Variants in FAT3 observed in about 807,000 individuals in gnomAD.
FAT3 encodes FAT atypical cadherin 3.
A neutral mutation model predicts 310.2 loss-of-function variants in FAT3; 95 were observed. That is an observed-to-expected ratio of 0.31 (90% CI 0.26 to 0.36). FAT3 has a LOEUF of 0.36. Ranked by LOEUF, FAT3 falls within the 10% of genes least tolerant of loss-of-function variation. The pLI, the probability that FAT3 is intolerant of heterozygous loss-of-function variation, is 1.00. For missense variants in FAT3, 5,408 were observed against 5,715.6 expected (o/e 0.95, Z 1.74); for synonymous variants, 2,314 against 2,192.9 (o/e 1.06, Z -1.54).
At chr11:92,562,259 TATACA>T (rs749962301) in intron 3 of FAT3, among the ~76,000 whole-genome samples, 3 of 152,218 alleles carry the variant, frequency 2.0e-5, no homozygotes, top group Non-Finnish European at 4.4e-5. Flanking sequence ...ATTTGTATCA[TATACA>T]ATACTTCCTA....
At chr11:92,366,473 G>T in intron 2 of FAT3, 3 of 424,048 alleles carry the variant, frequency 7.1e-6, no homozygotes, top group Admixed American at 2.7e-5. Context: ...TGCTCCTGGG[G>T]ACAGTAGCTT....
At chr11:92,630,585 G>A (rs963573805) in intron 3 of FAT3, among the ~76,000 whole-genome samples, 5 of 152,196 alleles carry the variant, frequency 3.3e-5, no homozygotes, top group Middle Eastern at 3.4e-3. Flanking sequence ...TTCCCCCAAC[G>A]GAGATCCCAC....
At chr11:92,420,364 G>A (rs1207794864) in intron 2 of FAT3, among the ~76,000 whole-genome samples, 1 of 152,186 alleles carries the variant, frequency 6.6e-6, no homozygotes, top group East Asian at 1.9e-4. Flanking sequence ...CACTTTTATA[G>A]ATTGCTCCAT....
rs1481107772 is a variant in FAT3, at chr11:92,806,446, T to G, written c.9178T>G (p.Ser3060Ala). ...KVSAKDADIGSNGYIRYSLYG... is the reference protein window; with the variant it reads ...KVSAKDADIGANGYIRYSLYG... ...CAGTGCAAAGGATGCTGATATTGGA[T>G]CCAATGGATATATACGATACTCACT... The change falls in exon 12 of 28, where the codon TCC (serine) becomes GCC (alanine). Residue 3060 changes from serine (S) to alanine (A), a missense_variant. Coordinates refer to ENST00000525166, the MANE Select transcript of FAT3 (RefSeq NM_001367949.2). 6.3e-7 allele frequency: 1 copy of G among 1,581,916 alleles called. No homozygotes were observed. Among genetic ancestry groups the G allele is most frequent in the African/African-American group, 1.3e-5 (1 of 74,698 alleles).
rs1448251887 is a variant in FAT3, at chr11:92,774,188, G to A, written c.4335+8G>A. The A allele has an allele frequency of 6.2e-7, 1 of 1,602,514 alleles. No homozygotes were observed. The highest frequency in any genetic ancestry group is 1.3e-5 in the African/African-American group (1 of 74,578). ...AATGTTGCTGTTACTCAGGTGAGAT[G>A]TTAAATTACTGAATAGCAGGAATGC... On this transcript the variant is annotated splice_region_variant and intron_variant, in intron 7 of 27. Coordinates refer to ENST00000525166, the MANE Select transcript of FAT3 (RefSeq NM_001367949.2).
intron 2 of FAT3, among the ~76,000 whole-genome samples, chr11:92,503,744 T>C (rs1382734050): frequency 6.6e-6 from 1 of 152,146 alleles, no homozygotes; most frequent in Non-Finnish European, 1.5e-5. Context: ...TCTGGTCTAT[T>C]ACATTGATTC....
chr11:92,394,524 G>T (rs781462848), intron 2 of FAT3, among the ~76,000 whole-genome samples: 2 of 152,020 alleles, frequency 1.3e-5, no homozygotes, highest in African/African-American at 2.4e-5. Flanking sequence ...TTATTTTGGG[G>T]CAACAAGCAA....
At chr11:92,742,948 A>G (rs1945551151) in intron 4 of FAT3, among the ~76,000 whole-genome samples, 1 of 152,206 alleles carries the variant, frequency 6.6e-6, no homozygotes, top group Non-Finnish European at 1.5e-5. Context: ...GGAGGCTAAG[A>G]ATAGCACAGT....
chr11:92,542,114 C>T (rs1023868825), intron 3 of FAT3, among the ~76,000 whole-genome samples: 1 of 152,036 alleles, frequency 6.6e-6, no homozygotes, highest in East Asian at 1.9e-4. Context: ...GTACATGGCA[C>T]TTGGAAAACT....
chr11:92,598,418 T>C (rs112874607), intron 3 of FAT3, among the ~76,000 whole-genome samples: 15 of 151,850 alleles, frequency 9.9e-5, no homozygotes, highest in African/African-American at 3.1e-4. Flanking sequence ...AGAGATGAGG[T>C]CTCACTATGT....
chr11:92,448,339 T>C (rs1188912745), intron 2 of FAT3, among the ~76,000 whole-genome samples: 1 of 152,156 alleles, frequency 6.6e-6, no homozygotes, highest in Non-Finnish European at 1.5e-5. Flanking sequence ...TGTGCATTTC[T>C]ATTTAAGAGG....
At chr11:92,474,158 T>C (rs1401230820) in intron 2 of FAT3, among the ~76,000 whole-genome samples, 1 of 152,192 alleles carries the variant, frequency 6.6e-6, no homozygotes, top group Non-Finnish European at 1.5e-5. Flanking sequence ...GGCTCACTCC[T>C]CTGGTGGTTC....
intron 2 of FAT3, among the ~76,000 whole-genome samples, chr11:92,467,551 A>C (rs1951797354): frequency 6.6e-6 from 1 of 152,060 alleles, no homozygotes; most frequent in Non-Finnish European, 1.5e-5. Flanking sequence ...GGGCCTATAC[A>C]TAATTTAAAT....
In FAT3 at chr11:92,883,080, G is replaced by C. The variant is rs529698975; in HGVS notation, c.12624G>C (p.Pro4208=). ...TGCTTAACAAGAGCAATGGCATCCCGTTCCGGAACCTGCGCGGCAGTGGGG... is the reference window on the plus strand; with the variant it reads ...TGCTTAACAAGAGCAATGGCATCCCCTTCCGGAACCTGCGCGGCAGTGGGG... ...AALLNKSNGI[P]FRNLRGSGDG... is the part of the protein sequence containing the mutation. The change falls in exon 24 of 28, where the codon CCG becomes CCC. Residue 4208 remains proline (P), a synonymous_variant. Transcript: ENST00000525166. This position sits in a 1 kb window ranked among gnomAD's most constrained non-coding sequence, Gnocchi z 4.2. 1 of 1,613,840 alleles carries C rather than the reference G, an allele frequency of 6.2e-7. No homozygotes were observed. The highest frequency in any genetic ancestry group is 8.5e-7 in the Non-Finnish European group (1 of 1,179,898).
intron 2 of FAT3, among the ~76,000 whole-genome samples, chr11:92,405,756 GAAC>G (rs150779795): frequency 0.026 from 3,938 of 152,110 alleles, 175 homozygotes; most frequent in African/African-American, 0.089. Flanking sequence ...CGTCTCACAA[GAAC>G]AACAACAATA....
At position 92,354,926 on chromosome 11, in the gene FAT3, C is replaced by T. The variant is rs868785955; in HGVS notation, c.2814C>T (p.Pro938=). Residue 938 remains proline (P), a synonymous_variant, in exon 2 of 28, where the codon CCC becomes CCT. Transcript: ENST00000525166. ...DVNDCSPAFI[P]SSYSVKVLED... ...ATGACTGCTCCCCAGCTTTCATTCC[C>T]AGTAGCTATAGTGTGAAGGTTCTTG... 3 of 1,613,730 alleles carry T rather than the reference C, an allele frequency of 1.9e-6. No individual in the cohort carries two copies. The highest frequency in any genetic ancestry group is 1.1e-5 in the South Asian group (1 of 91,072).
chr11:92,723,809 G>A (rs574807681), intron 4 of FAT3, among the ~76,000 whole-genome samples: 4 of 152,136 alleles, frequency 2.6e-5, no homozygotes, highest in African/African-American at 7.2e-5. Flanking sequence ...TCACTATCAC[G>A]AGAACAGCAC....
At chr11:92,858,096 TA>T (rs1949028135) in intron 20 of FAT3, among the ~76,000 whole-genome samples, 1 of 152,198 alleles carries the variant, frequency 6.6e-6, no homozygotes, top group Non-Finnish European at 1.5e-5. Context: ...ATAGTTGGAA[TA>T]AAAAAATAAC....
intron 24 of FAT3, among the ~76,000 whole-genome samples, chr11:92,886,518 T>C (rs1422814993): frequency 6.6e-6 from 1 of 152,206 alleles, no homozygotes. Context: ...GAGGCAAAGC[T>C]GAAAATTCCA....
Sources: gnomAD v4.1 joint callset for allele counts (sites outside exome capture counted in the v4.1 genomes callset) on GRCh38, gnomAD v4.1.1 for gene constraint, Gnocchi (gnomAD v3.1) non-coding constraint, MANE v1.5 for transcripts, NCBI Gene and HGNC (gene_info 2026-07-23, HGNC 2026-07-21) for gene names.